Variants in CDYL observed in about 807,000 individuals in gnomAD.
CDYL encodes the protein chromodomain Y-like protein.
Under a neutral mutation model 47.3 loss-of-function variants are expected in CDYL, and 8 were observed. The observed-to-expected ratio is 0.17, with a 90% CI of 0.10 to 0.31. The LOEUF is 0.31. Among genes scored for constraint, CDYL ranks in the 10% least tolerant of loss-of-function variants. The pLI is 1.00. For missense variants in CDYL, 471 were observed against 701.4 expected (o/e 0.67, Z 3.71); for synonymous variants, 266 against 265.0 (o/e 1.00, Z -0.04).
intron 1 of CDYL, among the ~76,000 whole-genome samples, chr6:4,789,674 C>G (rs972544553): frequency 3.3e-5 from 5 of 152,216 alleles, no homozygotes; most frequent in African/African-American, 1.2e-4. Flanking sequence ...TATCTGAACT[C>G]TGGGTTCAGC....
At chr6:4,813,561 C>T (rs1052559822) in intron 1 of CDYL, among the ~76,000 whole-genome samples, 1 of 152,132 alleles carries the variant, frequency 6.6e-6, no homozygotes, top group Non-Finnish European at 1.5e-5. Context: ...ATTCATTTTG[C>T]TAAATTATGT....
chr6:4,802,121 G>A (rs1019278017), intron 1 of CDYL, among the ~76,000 whole-genome samples: 3 of 152,190 alleles, frequency 2.0e-5, no homozygotes, highest in Admixed American at 2.0e-4. Flanking sequence ...AGCTGTGGGA[G>A]TTGAGCAGTG....
At chr6:4,837,432 A>G (rs1760351319) in intron 1 of CDYL, among the ~76,000 whole-genome samples, 1 of 152,116 alleles carries the variant, frequency 6.6e-6, no homozygotes. Context: ...GTACATTACA[A>G]AAATTAGTAA....
intron 2 of CDYL, among the ~76,000 whole-genome samples, chr6:4,914,963 C>T (rs572992325): frequency 5.3e-5 from 8 of 152,306 alleles, no homozygotes; most frequent in African/African-American, 1.9e-4. Context: ...CCTAGGAGGT[C>T]GGGCACGTAT....
At chr6:4,711,199 C>T (rs1279813796) in intron 1 of CDYL, among the ~76,000 whole-genome samples, 1 of 152,176 alleles carries the variant, frequency 6.6e-6, no homozygotes. Context: ...TGACCCTGGC[C>T]TCTAACGCTG....
chr6:4,790,493 G>A (rs1265336), intron 1 of CDYL, among the ~76,000 whole-genome samples: 1 of 152,124 alleles, frequency 6.6e-6, no homozygotes, highest in East Asian at 1.9e-4. Context: ...TTTCTGAAGC[G>A]CTTTTGGAAA....
At chr6:4,825,848 C>CAAAAAA (rs34591908) in intron 1 of CDYL, among the ~76,000 whole-genome samples, 1 of 98,846 alleles carries the variant, frequency 1.0e-5, no homozygotes, top group Non-Finnish European at 2.3e-5. Flanking sequence ...CCTAGAATGG[C>CAAAAAA]AAAAAAAAAA....
intron 1 of CDYL, among the ~76,000 whole-genome samples, chr6:4,823,957 A>G (rs1211569739): frequency 2.0e-5 from 3 of 152,166 alleles, no homozygotes; most frequent in Non-Finnish European, 2.9e-5. Context: ...CCTATTCTAG[A>G]TATTTGATAT....
intron 2 of CDYL, among the ~76,000 whole-genome samples, chr6:4,910,249 A>G (rs1757371770): frequency 2.0e-5 from 3 of 152,164 alleles, no homozygotes; most frequent in African/African-American, 4.8e-5. Flanking sequence ...TCACGGCATT[A>G]GCACCTGGAA....
intron 3 of CDYL, among the ~76,000 whole-genome samples, chr6:4,746,113 C>A (rs967219915): frequency 6.6e-6 from 1 of 151,952 alleles, no homozygotes; most frequent in African/African-American, 2.4e-5. Flanking sequence ...CCCCTGTAAT[C>A]CCAGCACTTT....
intron 3 of CDYL, among the ~76,000 whole-genome samples, chr6:4,762,719 A>G (rs1210380740): frequency 6.6e-6 from 1 of 151,892 alleles, no homozygotes; most frequent in African/African-American, 2.4e-5. Flanking sequence ...GTAAACCAAA[A>G]GATAGATCAG....
At chr6:4,755,686 C>T (rs72821440) in intron 3 of CDYL, among the ~76,000 whole-genome samples, 7,997 of 152,178 alleles carry the variant, frequency 0.053, 243 homozygotes, top group African/African-American at 0.092. Flanking sequence ...CATACTACAA[C>T]GGCTGCTTTA....
intron 1 of CDYL, among the ~76,000 whole-genome samples, chr6:4,823,557 C>G (rs149580584): frequency 0.027 from 4,039 of 152,122 alleles, 182 homozygotes; most frequent in African/African-American, 0.092. Flanking sequence ...GTATTTGTAT[C>G]TCCAAAACTT....
At position 4,842,071 on chromosome 6, in the gene CDYL, A is replaced by T. The variant is rs531398146; in HGVS notation, c.25-49642A>T. ...ATTATATTAATATTCATATTTATTT[A>T]TATATAATTATATATTATTTATATC... On this transcript the variant is annotated intron_variant, in intron 1 of 6. Coordinates refer to ENST00000397588, the MANE Select transcript of CDYL (RefSeq NM_004824.4). Among the ~76,000 whole-genome samples, 437 of 143,520 alleles carry T rather than the reference A, an allele frequency of 3.0e-3. 4 individuals are homozygous for T. The highest frequency in any genetic ancestry group is 0.011 in the Middle Eastern group (3 of 274). The allele number at this position is 143,520 out of a possible 152,430, so 94.2% of individuals were successfully genotyped here. A position where few individuals can be genotyped will look rare whatever the true frequency, so the allele number is the denominator to read the frequency against.
chr6:4,850,990 A>T (rs1760807239), intron 1 of CDYL, among the ~76,000 whole-genome samples: 1 of 152,218 alleles, frequency 6.6e-6, no homozygotes, highest in South Asian at 2.1e-4. Context: ...ATGACTAATT[A>T]AAACTGAGCA....
chr6:4,869,214 G>C (rs545994169), intron 1 of CDYL, among the ~76,000 whole-genome samples: 36 of 152,004 alleles, frequency 2.4e-4, no homozygotes, highest in African/African-American at 8.7e-4. Context: ...TCCTGTCTCG[G>C]CCTCCCAAGT....
At chr6:4,948,248 G>C (rs1178629062) in intron 5 of CDYL, among the ~76,000 whole-genome samples, 2 of 152,076 alleles carry the variant, frequency 1.3e-5, no homozygotes, top group African/African-American at 4.8e-5. Flanking sequence ...TGTCGGTGCA[G>C]ATGTGGGGCA....
intron 2 of CDYL, chr6:4,928,643 TTTTC>T (rs1259130763): frequency 3.3e-5 from 5 of 152,172 alleles, no homozygotes; most frequent in Non-Finnish European, 4.4e-5. Context: ...ATTGGATGAA[TTTTC>T]TTTCTTTTCT....
intron 1 of CDYL, among the ~76,000 whole-genome samples, chr6:4,848,610 A>G (rs1760732800): frequency 6.6e-6 from 1 of 152,250 alleles, no homozygotes; most frequent in African/African-American, 2.4e-5. Context: ...AAATTCAATG[A>G]AAAGGCAAAT....
Sources: allele counts gnomAD v4.1 joint callset (sites outside exome capture counted in the v4.1 genomes callset), GRCh38; gene constraint gnomAD v4.1.1; transcripts MANE v1.5; gene names NCBI Gene and HGNC (gene_info 2026-07-23, HGNC 2026-07-21).